PIP4K2C: variants seen among roughly 807,000 people sequenced by gnomAD.
PIP4K2C encodes phosphatidylinositol 5-phosphate 4-kinase type-2 gamma.
In PIP4K2C, 21 loss-of-function variants were observed where a neutral mutation model predicts 45.0. The observed-to-expected ratio is 0.47, with a 90% confidence interval of 0.33 to 0.67. The LOEUF is 0.67. PIP4K2C is among the 30% of genes least tolerant of loss of function. The pLI, the probability that PIP4K2C is intolerant of heterozygous loss-of-function variation, is 0.02. For synonymous variants in PIP4K2C, 201 were observed against 204.8 expected (o/e 0.98, Z 0.16); for missense variants, 456 against 542.8 (o/e 0.84, Z 1.59).
At chr12:57,596,869 C>T (rs1021627298) in intron 4 of PIP4K2C, among the ~76,000 whole-genome samples, 1 of 152,158 alleles carries the variant, frequency 6.6e-6, no homozygotes, top group Non-Finnish European at 1.5e-5. Context: ...GGAAATGCAC[C>T]TGGGAGGCTA....
rs778311995 is a variant in PIP4K2C, at chr12:57,601,236, C to G, written c.1082-9C>G. 2 of 1,609,064 alleles carry G rather than the reference C, an allele frequency of 1.2e-6. No homozygotes were observed. The highest frequency in any genetic ancestry group is 2.2e-5 in the East Asian group (1 of 44,808). On this transcript the variant is annotated splice_polypyrimidine_tract_variant and intron_variant, in intron 8 of 9. Transcript: ENST00000354947. ...TAAACCTACTCTGAATTGTTGGTCT[C>G]TCTCCCAGGAGCCCCCCAGAAGGAG...
rs1883375946 is a variant in PIP4K2C, at chr12:57,600,388, G to A, written c.764G>A (p.Gly255Asp). The change falls in exon 7 of 10, where the codon GGT (glycine) becomes GAT (aspartate). Residue 255 changes from glycine to aspartate, a missense_variant. By Grantham distance (94) the Gly-to-Asp change is moderately conservative. This residue lies in a region of PIP4K2C where 421 missense variants were observed against 473.1 expected (regional missense o/e 0.89). Transcript: ENST00000354947. ...FLNKNQKVYI[G>D]EEEKKIFLEK... ...AACAAGAACCAGAAAGTATATATTG[G>A]TGAAGAGGAGAAGAAAATATTTCTG... 2.5e-6 allele frequency: 4 copies of A among 1,611,330 alleles called. No homozygotes were observed. The highest frequency in any genetic ancestry group is 3.4e-6 in the Non-Finnish European group (4 of 1,177,464).
chr12:57,593,673 GAGTT>G, intron 1 of PIP4K2C, among the ~76,000 whole-genome samples: 1 of 101,094 alleles, frequency 9.9e-6, no homozygotes, highest in African/African-American at 4.2e-5. Flanking sequence ...TGAGCTTGCA[GAGTT>G]TTTTTTTTTT....
intron 1 of PIP4K2C, among the ~76,000 whole-genome samples, chr12:57,593,509 A>G (rs1883050670): frequency 6.6e-6 from 1 of 152,142 alleles, no homozygotes; most frequent in East Asian, 1.9e-4. Context: ...AGAGTGGTCT[A>G]GGAAGACTGG....
intron 9 of PIP4K2C, 45 bp from the exon 10 acceptor site, chr12:57,601,481 G>A (rs761171287): frequency 1.3e-6 from 2 of 1,568,608 alleles, no homozygotes; most frequent in Non-Finnish European, 1.8e-6. Flanking sequence ...GATGGGGACG[G>A]GTGCTAGGGT....
rs11459804 is a variant in PIP4K2C at position 57,596,503 on chromosome 12, T to TAA, written c.513+482_513+483dup. Among the ~76,000 whole-genome samples the TAA allele has an allele frequency of 8.1e-3, 1,171 of 143,714 alleles. 25 individuals carry two copies. Among genetic ancestry groups the TAA allele is most frequent in the Middle Eastern group, 0.043 (12 of 282 alleles). The allele number at this position is 143,714 out of a possible 152,430, so 94.3% of individuals were successfully genotyped here. The stretch of plus-strand genomic sequence containing the variant: ...TCCGCCTAAAAAAAAAAAAAAAGAT[T>TAA]AAAAAAAAAAAGATTTACTTGGAAT... On this transcript the variant is annotated intron_variant, in intron 4 of 9. Transcript: ENST00000354947.
At chr12:57,600,746 G>T in intron 7 of PIP4K2C, 65 bp from the exon 8 acceptor site, 1 of 1,592,944 alleles carries the variant, frequency 6.3e-7, no homozygotes, top group South Asian at 1.1e-5. Flanking sequence ...AAAGGTACAG[G>T]TACAGGGGTG....
chr12:57,601,205 T>A (rs1253196781), intron 8 of PIP4K2C, 40 bp from the exon 9 acceptor site: 3 of 1,596,072 alleles, frequency 1.9e-6, no homozygotes, highest in Non-Finnish European at 2.6e-6. Context: ...GAAAGGGAAT[T>A]GGAACTAAAC....
rs56900742 is a variant in PIP4K2C at position 57,593,675 on chromosome 12, GTTTTTTTTT to G, written c.175-326_175-318del. Among the ~76,000 whole-genome samples, 17 of 64,046 alleles carry G rather than the reference GTTTTTTTTT, an allele frequency of 2.7e-4. No individual in the cohort carries two copies. In the South Asian group the frequency reaches 8.1e-3, roughly 30 times the overall value. The allele number at this position is 64,046 out of a possible 152,430, so 42.0% of individuals were successfully genotyped here. On this transcript the variant is annotated intron_variant, in intron 1 of 9. Transcript: ENST00000354947. ...CATGTAGCTGCCTTGAGCTTGCAGA[GTTTTTTTTT>G]TTTTTTTTTTTTTTTTTTTTTTTCT...
At chr12:57,598,349 C>T (rs563862557) in intron 4 of PIP4K2C, among the ~76,000 whole-genome samples, 2 of 152,052 alleles carry the variant, frequency 1.3e-5, no homozygotes, top group South Asian at 2.1e-4. Context: ...AGTGAAACCC[C>T]GCTTCTACTA....
At chr12:57,596,848 C>G (rs1883217209) in intron 4 of PIP4K2C, among the ~76,000 whole-genome samples, 1 of 152,172 alleles carries the variant, frequency 6.6e-6, no homozygotes, top group African/African-American at 2.4e-5. Flanking sequence ...CATCCGAACT[C>G]ACCTGGGGAA....
At position 57,594,093 on chromosome 12, in the gene PIP4K2C, G is replaced by A. The variant is rs377647375; in HGVS notation, c.243G>A (p.Lys81=). The part of the protein sequence containing the change: ...LLPDDFKASS[K]IKVNNHLFHR... ...CAGATGACTTTAAGGCCAGCTCCAA[G>A]ATCAAGGTCAACAATCACCTTTTCC... Residue 81 remains lysine (K), a synonymous_variant, in exon 2 of 10, where the codon AAG becomes AAA. Coordinates refer to ENST00000354947, the MANE Select transcript of PIP4K2C (RefSeq NM_024779.5). 989 of 1,614,024 alleles carry A rather than the reference G, an allele frequency of 6.1e-4. 5 individuals are homozygous for A. The highest frequency in any genetic ancestry group is 1.7e-3 in the South Asian group (157 of 91,062).
intron 4 of PIP4K2C, among the ~76,000 whole-genome samples, chr12:57,598,524 CAAAAAAAAAAAA>C (rs57982410): frequency 2.2e-3 from 165 of 75,708 alleles, no homozygotes; most frequent in African/African-American, 7.1e-3. Flanking sequence ...ACTCCATCTC[CAAAAAAAAAAAA>C]AAAAAAAATC....
Position 57,601,564 on chromosome 12 carries a change from T to C in PIP4K2C, c.1224T>C (p.Tyr408=). The C allele has an allele frequency of 6.2e-7, 1 of 1,613,574 alleles. No homozygotes were observed. Among genetic ancestry groups the C allele is most frequent in the African/African-American group, 1.3e-5 (1 of 75,014 alleles). ...AEISTVHPEQ[Y]AKRFLDFITN... is the part of the protein sequence containing the mutation. Reference sequence around the variant, plus strand: ...TCTCTACTGTCCATCCGGAGCAGTATGCTAAGCGATTCCTGGATTTTATTA... The same window carrying C: ...TCTCTACTGTCCATCCGGAGCAGTACGCTAAGCGATTCCTGGATTTTATTA... Residue 408 remains tyrosine, a synonymous_variant, in exon 10 of 10, where the codon TAT becomes TAC. Coordinates refer to ENST00000354947, the MANE Select transcript of PIP4K2C (RefSeq NM_024779.5).
intron 4 of PIP4K2C, 39 bp from the exon 5 acceptor site, chr12:57,599,026 C>G: frequency 3.7e-6 from 6 of 1,604,550 alleles, no homozygotes; most frequent in Non-Finnish European, 5.1e-6. Context: ...GTATCTGCTA[C>G]TCAGCCTCTC....
chr12:57,601,437 A>G (rs1474717881), intron 9 of PIP4K2C, 89 bp downstream of exon 9: 8 of 1,532,816 alleles, frequency 5.2e-6, no homozygotes, highest in Non-Finnish European at 7.2e-6. Flanking sequence ...GTGGCAAAAG[A>G]ATGGAGGTGG....
In PIP4K2C at chr12:57,601,256, AAGG is replaced by A; in HGVS notation, c.1097_1099del (p.Glu366del). On this transcript the variant is annotated inframe_deletion, in exon 9 of 10. Coordinates refer to ENST00000354947, the MANE Select transcript of PIP4K2C (RefSeq NM_024779.5). ...GGTCTCTCTCCCAGGAGCCCCCCAG[AAGG>A]AGGTCTACTTCATGGGCCTCATTGA... 1 of 1,612,746 alleles carries A rather than the reference AAGG, an allele frequency of 6.2e-7. No individual in the cohort carries two copies. The highest frequency in any genetic ancestry group is 8.5e-7 in the Non-Finnish European group (1 of 1,179,084).
chr12:57,594,184 T>G, intron 2 of PIP4K2C, 62 bp downstream of exon 2: 1 of 1,371,290 alleles, frequency 7.3e-7, no homozygotes, highest in South Asian at 1.3e-5. Flanking sequence ...TAAATAATTT[T>G]AAAAGTTTCA....
At chr12:57,591,596 C>A (rs1882960991) in intron 1 of PIP4K2C, 133 bp downstream of exon 1, 3 of 1,003,616 alleles carry the variant, frequency 3.0e-6, no homozygotes, top group Non-Finnish European at 2.8e-6. Flanking sequence ...GGTCCCTGCC[C>A]ACCAACCCCA....
Sources: allele counts gnomAD v4.1 joint callset (sites outside exome capture counted in the v4.1 genomes callset), GRCh38; gene constraint gnomAD v4.1.1; regional missense constraint gnomAD v4.1.1; transcripts MANE v1.5; gene names NCBI Gene and HGNC (gene_info 2026-07-23, HGNC 2026-07-21).